The following IGF2BP1 variants were observed in gnomAD, a reference collection of about 807,000 sequenced individuals.
IGF2BP1 encodes insulin like growth factor 2 mRNA binding protein 1, also known as insulin-like growth factor 2 mRNA-binding protein 1.
A neutral mutation model predicts 74.9 loss-of-function variants in IGF2BP1; 11 were observed. That is an observed-to-expected ratio of 0.15 (90% CI 0.09 to 0.24). IGF2BP1 has a LOEUF of 0.24. Ranked by LOEUF, IGF2BP1 falls within the 10% of genes least tolerant of loss-of-function variation. The pLI, the probability that IGF2BP1 is intolerant of heterozygous loss-of-function variation, is 1.00. For missense variants in IGF2BP1, 440 were observed against 757.4 expected, an observed-to-expected ratio of 0.58 and a Z score of 4.92; for synonymous variants, 287 against 281.8, an observed-to-expected ratio of 1.02 and a Z score of -0.18.
At chr17:49,042,104 T>C (rs925667799) in intron 8 of IGF2BP1, 138 bp from the exon 9 acceptor site, 2 of 1,117,462 alleles carry the variant, frequency 1.8e-6, no homozygotes. Flanking sequence ...AAGACTGGGG[T>C]TGCAGAGTTA....
At chr17:49,039,127 C>T (rs1267056418) in intron 6 of IGF2BP1, among the ~76,000 whole-genome samples, 6 of 152,178 alleles carry the variant, frequency 3.9e-5, no homozygotes, top group African/African-American at 7.2e-5. Context: ...CCGGCCGCCT[C>T]AGCCTCCCAA....
intron 9 of IGF2BP1, among the ~76,000 whole-genome samples, chr17:49,042,705 C>G (rs1460465817): frequency 6.6e-6 from 1 of 151,960 alleles, no homozygotes; most frequent in Non-Finnish European, 1.5e-5. Context: ...GAGACAGGGT[C>G]TTGGTATGTT....
Position 49,041,486 on chromosome 17 carries a change from A to G in IGF2BP1, c.927A>G (p.Lys309=). 6.2e-7 allele frequency: 1 copy of G among 1,614,050 alleles called. No individual in the cohort carries two copies. Among genetic ancestry groups the G allele is most frequent in the Non-Finnish European group, 8.5e-7 (1 of 1,180,010 alleles). The change falls in exon 8 of 15, where the codon AAA becomes AAG. Residue 309 remains lysine, a synonymous_variant. Coordinates refer to ENST00000290341, the MANE Select transcript of IGF2BP1 (RefSeq NM_006546.4). The part of the protein sequence containing the change: ...LKKVEQDTET[K]ITISSLQDLT... Reference sequence around the variant, plus strand: ...AGGTAGAGCAAGATACCGAGACAAAAATCACCATCTCCTCGTAAGGCTCTC... The same window carrying G: ...AGGTAGAGCAAGATACCGAGACAAAGATCACCATCTCCTCGTAAGGCTCTC...
chr17:49,033,291 G>C (rs1046206029), intron 5 of IGF2BP1, among the ~76,000 whole-genome samples: 1 of 151,368 alleles, frequency 6.6e-6, no homozygotes, highest in African/African-American at 2.4e-5. Context: ...TGGGACTACA[G>C]GTGTACACCA....
At chr17:49,045,769 C>A in intron 12 of IGF2BP1, 121 bp from the exon 13 acceptor site, 1 of 1,024,964 alleles carries the variant, frequency 9.8e-7, no homozygotes, top group Non-Finnish European at 1.4e-6. Flanking sequence ...AGATGGTTAG[C>A]CCGCCTAGGA....
intron 1 of IGF2BP1, 124 bp downstream of exon 1, chr17:48,998,044 C>T: frequency 1.9e-6 from 2 of 1,073,034 alleles, no homozygotes; most frequent in South Asian, 1.5e-5. Flanking sequence ...GGCCTCCGTA[C>T]CCACCCTCGA....
rs372113539 is a variant in IGF2BP1 at position 49,039,944 on chromosome 17, T to C, written c.684-13T>C. The stretch of plus-strand genomic sequence containing the variant: ...TGGGGACAACTAACCAGCCTTGTCC[T>C]TGTGGCCCCCAGGATAGACGTGCAT... On this transcript the variant is annotated splice_polypyrimidine_tract_variant and intron_variant, in intron 6 of 14. Coordinates refer to ENST00000290341, the MANE Select transcript of IGF2BP1 (RefSeq NM_006546.4). 1 of 1,611,998 alleles carries C rather than the reference T, an allele frequency of 6.2e-7. No homozygotes were observed. Among genetic ancestry groups the C allele is most frequent in the South Asian group, 1.1e-5 (1 of 90,928 alleles).
chr17:49,025,849 T>G (rs1361591846), intron 3 of IGF2BP1, among the ~76,000 whole-genome samples, 183 bp downstream of exon 3: 1 of 127,528 alleles, frequency 7.8e-6, no homozygotes, highest in East Asian at 2.0e-4. Context: ...TCTTTCTTTC[T>G]TTTCTTTCTT....
chr17:49,034,752 A>AAC (rs2041966037), intron 5 of IGF2BP1, among the ~76,000 whole-genome samples: 3 of 128,074 alleles, frequency 2.3e-5, no homozygotes, highest in African/African-American at 1.0e-4. Context: ...AAACACAAAA[A>AAC]AAACAAAAAA....
chr17:49,044,869 T>C, intron 11 of IGF2BP1, 122 bp from the exon 12 acceptor site: 1 of 781,510 alleles, frequency 1.3e-6, no homozygotes, highest in Non-Finnish European at 2.2e-6. Flanking sequence ...TTGTTCTTCC[T>C]CCCCTAAGTC....
At chr17:49,023,409 T>G (rs896950026) in intron 2 of IGF2BP1, among the ~76,000 whole-genome samples, 1 of 152,148 alleles carries the variant, frequency 6.6e-6, no homozygotes, top group African/African-American at 2.4e-5. Context: ...ACATTTAGAA[T>G]TGCAGGCTAG....
chr17:49,004,075 C>G (rs1015705224), intron 2 of IGF2BP1, among the ~76,000 whole-genome samples: 3 of 152,126 alleles, frequency 2.0e-5, no homozygotes, highest in Non-Finnish European at 4.4e-5. Flanking sequence ...CGCCCCCGCG[C>G]CAGTCCCAGC....
At chr17:49,037,306 TA>T in intron 5 of IGF2BP1, 1 of 484,080 alleles carries the variant, frequency 2.1e-6, no homozygotes, top group Non-Finnish European at 3.9e-6. Context: ...AAAGGACGTC[TA>T]ACTGCTCACT....
chr17:49,010,823 A>C (rs1024815133), intron 2 of IGF2BP1, among the ~76,000 whole-genome samples: 4 of 152,066 alleles, frequency 2.6e-5, no homozygotes, highest in African/African-American at 9.7e-5. Flanking sequence ...TCCACGCACT[A>C]AAATGGGAGG....
intron 6 of IGF2BP1, among the ~76,000 whole-genome samples, chr17:49,039,572 G>C (rs1194360093): frequency 6.6e-6 from 1 of 152,098 alleles, no homozygotes; most frequent in Non-Finnish European, 1.5e-5. Flanking sequence ...TTACAGGTGT[G>C]CACCACCACA....
chr17:49,019,955 T>TATATATTTATAC (rs2041767170), intron 2 of IGF2BP1, among the ~76,000 whole-genome samples: 1 of 78,466 alleles, frequency 1.3e-5, no homozygotes, highest in African/African-American at 6.0e-5. Context: ...TATATTTATA[T>TATATATTTATAC]ACACACACAC....
chr17:49,000,490 G>A lies in IGF2BP1; in HGVS notation c.236+1321G>A, dbSNP rs2041476218. Among the ~76,000 whole-genome samples the A allele has an allele frequency of 2.0e-5, 3 of 152,180 alleles. No homozygotes were observed. The South Asian group carries it at 6.2e-4, about 31-fold the overall frequency. On this transcript the variant is annotated intron_variant, in intron 2 of 14. Coordinates refer to ENST00000290341, the MANE Select transcript of IGF2BP1 (RefSeq NM_006546.4). ...CCGTGTTATTGGAAAGGCAATTAGA[G>A]TTAGGAGTAAAGAGGCAATAAAATG...
At chr17:49,043,366 G>A (rs745695988) in intron 9 of IGF2BP1, 62 bp from the exon 10 acceptor site, 5 of 1,595,336 alleles carry the variant, frequency 3.1e-6, no homozygotes, top group Non-Finnish European at 4.3e-6. Context: ...TTATACAGCG[G>A]GGGTCACACA....
Position 49,055,858 on chromosome 17 carries a change from T to A in IGF2BP1, c.*6414T>A, listed in dbSNP as rs979979002. Among the ~76,000 whole-genome samples the A allele has an allele frequency of 1.5e-4, 23 of 149,196 alleles. No homozygotes were observed. The highest frequency in any genetic ancestry group is 4.3e-4 in the South Asian group (2 of 4,676). ...ACAGTTTTTTTTTTTTTTTTTTTTT[T>A]AAATATGAGTGCTAGCTTATTCTGT... is the stretch of plus-strand genomic sequence containing the variant. On this transcript the variant is annotated 3_prime_UTR_variant, in exon 15 of 15. Transcript: ENST00000290341.
Sources: gnomAD v4.1 joint callset for allele counts (sites outside exome capture counted in the v4.1 genomes callset) on GRCh38, gnomAD v4.1.1 for gene constraint, MANE v1.5 for transcripts, NCBI Gene and HGNC (gene_info 2026-07-23, HGNC 2026-07-21) for gene names.